NT5C2: variants seen among roughly 807,000 people sequenced by gnomAD.
NT5C2 encodes the protein cytosolic purine 5'-nucleotidase.
NT5C2 carries 58 observed loss-of-function variants against 76.1 expected under a neutral mutation model. That is an observed-to-expected ratio of 0.76 (90% CI 0.62 to 0.95). The LOEUF (loss-of-function observed/expected upper bound fraction) is 0.95. NT5C2 is among the 40% of genes least tolerant of loss of function. NT5C2 has a pLI of 0.00. For synonymous variants in NT5C2, 229 were observed against 237.4 expected, an observed-to-expected ratio of 0.96 and a Z score of 0.32; for missense variants, 478 against 690.3, an observed-to-expected ratio of 0.69 and a Z score of 3.45.
chr10:103,091,548 T>C lies in NT5C2; in HGVS notation c.1211+16A>G. On this transcript the variant is annotated intron_variant, in intron 16 of 18. Transcript: ENST00000404739. ...CCTGAGTAAGTTTTTGGGAAAGAAA[T>C]TTTTAGAAAACTTACTTGTAGAGTT... The C allele has an allele frequency of 5.0e-6, 8 of 1,603,330 alleles. No individual in the cohort carries two copies. The highest frequency in any genetic ancestry group is 5.1e-6 in the Non-Finnish European group (6 of 1,171,350).
At chr10:103,180,247 T>C (rs1415397247) in intron 2 of NT5C2, among the ~76,000 whole-genome samples, 1 of 152,148 alleles carries the variant, frequency 6.6e-6, no homozygotes, top group Non-Finnish European at 1.5e-5. Context: ...AAAAAGACAG[T>C]ATCAAATGTT....
chr10:103,089,892 G>GTTGA lies in NT5C2; in HGVS notation c.1462_1465dup (p.Thr489IlefsTer12). 6.2e-7 allele frequency: 1 copy of GTTGA among 1,603,978 alleles called. No individual in the cohort carries two copies. The highest frequency in any genetic ancestry group is 2.2e-5 in the East Asian group (1 of 44,712). The stretch of plus-strand genomic sequence containing the variant: ...GATATCTACGTGTGTGTGCTCCACC[G>GTTGA]TTGATTCATGAGGCATCTAGACAGA... On this transcript the variant is annotated frameshift_variant, in exon 19 of 19. Coordinates refer to ENST00000404739, the MANE Select transcript of NT5C2 (RefSeq NM_001351169.2). LOFTEE classifies it high-confidence loss of function.
At chr10:103,176,318 G>A (rs770640810) in intron 2 of NT5C2, among the ~76,000 whole-genome samples, 2 of 152,138 alleles carry the variant, frequency 1.3e-5, no homozygotes, top group Non-Finnish European at 2.9e-5. Flanking sequence ...TTAGGTCACT[G>A]ATGTAAAATG....
At chr10:103,189,227 A>G (rs1448601257) in intron 1 of NT5C2, among the ~76,000 whole-genome samples, 2 of 152,226 alleles carry the variant, frequency 1.3e-5, no homozygotes, top group African/African-American at 4.8e-5. Flanking sequence ...TCATCTTAAA[A>G]TACTGTGAAA....
chr10:103,094,866 G>C (rs1290886888), intron 12 of NT5C2, among the ~76,000 whole-genome samples: 2 of 125,844 alleles, frequency 1.6e-5, no homozygotes, highest in Non-Finnish European at 3.3e-5. Flanking sequence ...TGGCAACAGA[G>C]CAAGACTCCA....
Position 103,091,630 on chromosome 10 carries a change from G to T in NT5C2, c.1160-15C>A, listed in dbSNP as rs1285148914. 1 of 1,606,196 alleles carries T rather than the reference G, an allele frequency of 6.2e-7. No individual in the cohort carries two copies. Among genetic ancestry groups the T allele is most frequent in the Non-Finnish European group, 8.5e-7 (1 of 1,173,106 alleles). ...TTCGAAAAGTGCTAGTTAAGGTTTG[G>T]AAGGAAAAGGAAGACATTTTAAATA... On this transcript the variant is annotated splice_polypyrimidine_tract_variant and intron_variant, in intron 15 of 18. Coordinates refer to ENST00000404739, the MANE Select transcript of NT5C2 (RefSeq NM_001351169.2).
chr10:103,129,960 G>A (rs1324472519), intron 4 of NT5C2, among the ~76,000 whole-genome samples: 16 of 145,748 alleles, frequency 1.1e-4, no homozygotes, highest in Admixed American at 7.4e-4. Context: ...CCGGCCAGCC[G>A]CCCTGTCCGG....
At chr10:103,127,154 T>C (rs1390930843) in intron 4 of NT5C2, among the ~76,000 whole-genome samples, 3 of 152,228 alleles carry the variant, frequency 2.0e-5, no homozygotes, top group African/African-American at 7.2e-5. Flanking sequence ...TAAAGCATAA[T>C]TAATGTACAT....
In NT5C2 at chr10:103,120,754, A is replaced by T. The variant is rs539624330; in HGVS notation, c.176-14048T>A. ...GGCAGTTCTTTAAAAAGCTAAACAT[A>T]GATTTACGTTATGATCCAGCAATTC... On this transcript the variant is annotated intron_variant, in intron 4 of 18. Transcript: ENST00000404739. Among the ~76,000 whole-genome samples, 5 of 152,338 alleles carry T rather than the reference A, an allele frequency of 3.3e-5. No homozygotes were observed. The South Asian group carries it at 6.2e-4, about 19-fold the overall frequency.
chr10:103,179,615 C>A (rs549026763), intron 2 of NT5C2, among the ~76,000 whole-genome samples: 3 of 151,422 alleles, frequency 2.0e-5, no homozygotes, highest in African/African-American at 7.4e-5. Context: ...ACAGGAGGAT[C>A]GCTTTGAGCC....
At chr10:103,114,099 T>C (rs1185771063) in intron 4 of NT5C2, among the ~76,000 whole-genome samples, 2 of 152,190 alleles carry the variant, frequency 1.3e-5, no homozygotes, top group African/African-American at 4.8e-5. Flanking sequence ...GACTTTTACC[T>C]GTAGTCTCTC....
intron 6 of NT5C2, among the ~76,000 whole-genome samples, chr10:103,102,732 G>A (rs376360888): frequency 2.0e-5 from 3 of 152,066 alleles, no homozygotes; most frequent in African/African-American, 7.2e-5. Flanking sequence ...TGGTTGGTAC[G>A]ATGAACAGAA....
chr10:103,096,745 C>G (rs935456274), intron 11 of NT5C2, among the ~76,000 whole-genome samples: 1 of 144,560 alleles, frequency 6.9e-6, no homozygotes, highest in Non-Finnish European at 1.5e-5. Flanking sequence ...ACTTGGGAGG[C>G]TGAGGCAGGA....
intron 3 of NT5C2, among the ~76,000 whole-genome samples, chr10:103,152,368 C>A (rs1424744868): frequency 2.6e-5 from 4 of 152,094 alleles, no homozygotes; most frequent in African/African-American, 9.7e-5. Context: ...ATTACTTATA[C>A]CCCTGGTTGT....
At chr10:103,185,038 C>T (rs2091835341) in intron 1 of NT5C2, among the ~76,000 whole-genome samples, 1 of 152,136 alleles carries the variant, frequency 6.6e-6, no homozygotes, top group Non-Finnish European at 1.5e-5. Flanking sequence ...CATCAACATT[C>T]TATTGCTACT....
chr10:103,153,260 A>G, intron 3 of NT5C2: 1 of 1,272,600 alleles, frequency 7.9e-7, no homozygotes. Context: ...ACTGAGAAAA[A>G]TGAAAGAGAA....
intron 11 of NT5C2, among the ~76,000 whole-genome samples, chr10:103,096,787 A>G (rs1248337531): frequency 9.2e-5 from 13 of 141,030 alleles, no homozygotes. Context: ...CAGAGGTTGC[A>G]GTGAGCCGAG....
chr10:103,161,066 C>T lies in NT5C2; in HGVS notation c.101+13792G>A, dbSNP rs146213529. Among the ~76,000 whole-genome samples, 345 of 152,194 alleles carry T rather than the reference C, an allele frequency of 2.3e-3. 4 individuals carry two copies. The highest frequency in any genetic ancestry group is 7.8e-3 in the African/African-American group (325 of 41,504). On this transcript the variant is annotated intron_variant, in intron 3 of 18. Transcript: ENST00000404739. ...GAGAAACTGGAACATTCATACACTGCTAGAGGGAATGTAAAATGATGCATC... is the reference window on the plus strand; with the variant it reads ...GAGAAACTGGAACATTCATACACTGTTAGAGGGAATGTAAAATGATGCATC...
intron 3 of NT5C2, among the ~76,000 whole-genome samples, chr10:103,157,156 A>C (rs984965941): frequency 1.3e-5 from 2 of 151,118 alleles, no homozygotes; most frequent in Non-Finnish European, 2.9e-5. Flanking sequence ...AGAATGAAAA[A>C]GAAAAAAACA....
Sources: gnomAD v4.1 joint callset for allele counts (sites outside exome capture counted in the v4.1 genomes callset) on GRCh38, gnomAD v4.1.1 for gene constraint, MANE v1.5 for transcripts, NCBI Gene and HGNC (gene_info 2026-07-23, HGNC 2026-07-21) for gene names.